WBP2NL: variants seen among roughly 807,000 people sequenced by gnomAD.
The protein encoded by WBP2NL is postacrosomal sheath WW domain-binding protein.
A neutral mutation model predicts 23.3 loss-of-function variants in WBP2NL; 27 were observed. The observed-to-expected ratio is 1.16, with a 90% confidence interval of 0.85 to 1.60. The LOEUF is 1.60. Ranked by LOEUF, WBP2NL falls within the 40% of genes most tolerant of loss-of-function variation. The pLI, the probability that WBP2NL is intolerant of heterozygous loss-of-function variation, is 0.00. For synonymous variants in WBP2NL, 151 were observed against 145.9 expected (o/e 1.03, Z -0.25); for missense variants, 370 against 389.5 (o/e 0.95, Z 0.42).
intron 1 of WBP2NL, among the ~76,000 whole-genome samples, chr22:42,016,478 T>G (rs1235294238): frequency 2.0e-5 from 3 of 152,242 alleles, no homozygotes; most frequent in African/African-American, 7.2e-5. Context: ...TCAAAGCTGC[T>G]GCCAAGCTAG....
Position 42,027,319 on chromosome 22 carries a change from T to G in WBP2NL, c.*138T>G. 9.0e-7 allele frequency: 1 copy of G among 1,112,620 alleles called. No individual in the cohort carries two copies. Among genetic ancestry groups the G allele is most frequent in the Non-Finnish European group, 1.2e-6 (1 of 815,052 alleles). 68.9% of individuals were successfully genotyped at this position (1,112,620 alleles called of 1,614,324 possible). On this transcript the variant is annotated 3_prime_UTR_variant, in exon 6 of 6. Coordinates refer to ENST00000328823, the MANE Select transcript of WBP2NL (RefSeq NM_152613.3). ...GTTCCACCCTTTGGAAGGGCAATCTTATGGGGGAAGGTGAAACTTTACTTC... is the reference window on the plus strand; with the variant it reads ...GTTCCACCCTTTGGAAGGGCAATCTGATGGGGGAAGGTGAAACTTTACTTC...
chr22:42,016,085 A>G (rs1425095131), intron 1 of WBP2NL, among the ~76,000 whole-genome samples: 2 of 151,768 alleles, frequency 1.3e-5, no homozygotes, highest in African/African-American at 2.4e-5. Context: ...GGGTTCAAGC[A>G]ATTCTCCTGC....
intron 1 of WBP2NL, among the ~76,000 whole-genome samples, chr22:42,004,000 G>A (rs1321933172): frequency 2.0e-5 from 3 of 152,224 alleles, no homozygotes; most frequent in Non-Finnish European, 4.4e-5. Flanking sequence ...GGCCAGTCGC[G>A]ATGGCTCACG....
rs1335057071 is a variant in WBP2NL at position 42,027,847 on chromosome 22, A to C, written c.*666A>C. 3.0e-5 allele frequency: 12 copies of C among 397,640 alleles called. No homozygotes were observed. Among genetic ancestry groups the C allele is most frequent in the Non-Finnish European group, 5.3e-5 (12 of 225,868 alleles). The allele number at this position is 397,640 out of a possible 1,614,324, so 24.6% of individuals were successfully genotyped here. ...AATTTATAGTCAGAATACGTGAATA[A>C]CTACAAATCAATTCTCCCCAAAATG... On this transcript the variant is annotated 3_prime_UTR_variant, in exon 6 of 6. Coordinates refer to ENST00000328823, the MANE Select transcript of WBP2NL (RefSeq NM_152613.3).
At chr22:42,044,351 A>G (rs1011843634) in intron 8 of WBP2NL, among the ~76,000 whole-genome samples, 1 of 152,190 alleles carries the variant, frequency 6.6e-6, no homozygotes, top group Non-Finnish European at 1.5e-5. Flanking sequence ...GATTATAAGC[A>G]TGTGCCACCG....
downstream of WBP2NL, among the ~76,000 whole-genome samples, chr22:42,029,713 T>C (rs1924814199): frequency 6.6e-6 from 1 of 152,238 alleles, no homozygotes; most frequent in South Asian, 2.1e-4. Context: ...TCATGCTATA[T>C]AATGTTTCAC....
intron 1 of WBP2NL, among the ~76,000 whole-genome samples, chr22:42,000,601 C>T (rs1921538027): frequency 6.6e-6 from 1 of 152,048 alleles, no homozygotes; most frequent in East Asian, 1.9e-4. Context: ...TGAATAGTTG[C>T]CACTGATAAA....
intron 8 of WBP2NL, among the ~76,000 whole-genome samples, chr22:42,047,588 A>C (rs936993062): frequency 6.6e-6 from 1 of 150,580 alleles, no homozygotes; most frequent in Non-Finnish European, 1.5e-5. Flanking sequence ...ACAACAACAA[A>C]AAACCCCCCG....
chr22:42,055,368 T>A (rs993111894), intron 8 of WBP2NL, among the ~76,000 whole-genome samples: 3 of 152,188 alleles, frequency 2.0e-5, no homozygotes, highest in Non-Finnish European at 4.4e-5. Context: ...AGAGATGGGG[T>A]TTCACCATGT....
At chr22:42,008,133 T>TTTCCTTTCCA (rs1922453377) in intron 1 of WBP2NL, among the ~76,000 whole-genome samples, 1 of 135,736 alleles carries the variant, frequency 7.4e-6, no homozygotes, top group Non-Finnish European at 1.6e-5. Context: ...TTTCCTTTCC[T>TTTCCTTTCCA]TTCCTTTCCT....
intron 4 of WBP2NL, among the ~76,000 whole-genome samples, chr22:42,020,883 TATATATATATATATATATATATATA>T (rs1569449976): frequency 5.3e-4 from 20 of 37,796 alleles, no homozygotes; most frequent in South Asian, 4.6e-3. Context: ...TATATATATA[TATATATATATATATATATATATATA>T]TTTTTTTTTT....
At chr22:42,014,132 G>A (rs1923093432) in intron 1 of WBP2NL, among the ~76,000 whole-genome samples, 1 of 151,760 alleles carries the variant, frequency 6.6e-6, no homozygotes, top group African/African-American at 2.4e-5. Context: ...TGTTGCCCAA[G>A]CTGGTTTCAA....
Position 42,027,058 on chromosome 22 carries a change from G to C in WBP2NL, c.807G>C (p.Pro269=). The C allele has an allele frequency of 2.5e-6, 4 of 1,614,142 alleles. No individual in the cohort carries two copies. The highest frequency in any genetic ancestry group is 3.4e-6 in the Non-Finnish European group (4 of 1,179,984). ...YGAPPAGNEG[P]PAGYRASPAG... is the part of the protein sequence containing the mutation. ...CCCCACCTGCAGGAAATGAAGGCCC[G>C]CCTGCGGGATACAGAGCCTCACCTG... Residue 269 remains proline (P), a synonymous_variant, in exon 6 of 6, where the codon CCG becomes CCC. Transcript: ENST00000328823.
chr22:42,041,313 C>G (rs1248751531), intron 8 of WBP2NL, among the ~76,000 whole-genome samples: 2 of 151,818 alleles, frequency 1.3e-5, no homozygotes, highest in African/African-American at 4.8e-5. Flanking sequence ...GAAACCCCAT[C>G]TCTACTAAAA....
downstream of WBP2NL, among the ~76,000 whole-genome samples, chr22:42,036,639 T>TA (rs1925192385): frequency 2.0e-5 from 3 of 152,374 alleles, no homozygotes; most frequent in South Asian, 6.2e-4. Flanking sequence ...TGTGAAGTGA[T>TA]ATCTCATTAT....
intron 5 of WBP2NL, among the ~76,000 whole-genome samples, chr22:42,023,576 C>G (rs1365291949): frequency 6.6e-6 from 1 of 151,934 alleles, no homozygotes; most frequent in African/African-American, 2.4e-5. Flanking sequence ...GATGCAAGCT[C>G]CACCTCCCGG....
At chr22:42,047,581 A>G (rs1050482923) in intron 8 of WBP2NL, among the ~76,000 whole-genome samples, 1 of 150,974 alleles carries the variant, frequency 6.6e-6, no homozygotes, top group Non-Finnish European at 1.5e-5. Context: ...CTCAAAAACA[A>G]CAACAAAAAA....
chr22:42,002,333 A>G (rs1427116356), intron 1 of WBP2NL, among the ~76,000 whole-genome samples: 1 of 152,226 alleles, frequency 6.6e-6, no homozygotes, highest in Non-Finnish European at 1.5e-5. Flanking sequence ...CTGTAATCCC[A>G]GCACTTTGGG....
intron 1 of WBP2NL, chr22:42,001,160 G>A (rs1921626571): frequency 3.5e-6 from 3 of 861,232 alleles, no homozygotes; most frequent in Non-Finnish European, 6.0e-6. Flanking sequence ...CTTGAAAACA[G>A]CTTTGCTTCC....
Sources: gnomAD v4.1 joint callset for allele counts (sites outside exome capture counted in the v4.1 genomes callset) on GRCh38, gnomAD v4.1.1 for gene constraint, MANE v1.5 for transcripts, NCBI Gene and HGNC (gene_info 2026-07-23, HGNC 2026-07-21) for gene names.